Variants in BABAM2 observed in about 807,000 individuals in gnomAD.
BABAM2 encodes BRISC and BRCA1-A complex member 2.
Under a neutral mutation model 54.7 loss-of-function variants are expected in BABAM2, and 31 were observed. That is an observed-to-expected ratio of 0.57 (90% CI 0.43 to 0.77). The LOEUF is 0.77. BABAM2 is among the 30% of genes least tolerant of loss of function. BABAM2 has a pLI of 0.00. For missense variants in BABAM2, 364 were observed against 455.8 expected (o/e 0.80, Z 1.83); for synonymous variants, 167 against 162.9 (o/e 1.03, Z -0.19).
At chr2:28,208,686 C>T (rs1444653198) in intron 7 of BABAM2, among the ~76,000 whole-genome samples, 1 of 148,428 alleles carries the variant, frequency 6.7e-6, no homozygotes, top group Non-Finnish European at 1.5e-5. Flanking sequence ...CATGAGTGCT[C>T]GCCCTTTTCT....
At chr2:28,273,663 G>A (rs1211131494) in intron 10 of BABAM2, among the ~76,000 whole-genome samples, 1 of 152,106 alleles carries the variant, frequency 6.6e-6, no homozygotes, top group Non-Finnish European at 1.5e-5. Flanking sequence ...AGGTTGCAGT[G>A]AGCCGAGATT....
At chr2:28,275,504 C>T (rs530478360) in intron 10 of BABAM2, among the ~76,000 whole-genome samples, 1 of 152,140 alleles carries the variant, frequency 6.6e-6, no homozygotes, top group Non-Finnish European at 1.5e-5. Flanking sequence ...CCAGGAAAGG[C>T]AAGCTAAAGA....
upstream of BABAM2, among the ~76,000 whole-genome samples, chr2:27,888,959 ATTT>A (rs1664627006): frequency 6.6e-6 from 1 of 152,206 alleles, no homozygotes; most frequent in South Asian, 2.1e-4. Flanking sequence ...AAAGGAAAGT[ATTT>A]TTATCTTGGC....
At chr2:28,317,726 C>T (rs1223577417) in intron 11 of BABAM2, among the ~76,000 whole-genome samples, 1 of 152,234 alleles carries the variant, frequency 6.6e-6, no homozygotes, top group Non-Finnish European at 1.5e-5. Flanking sequence ...AGAGGTTTGA[C>T]TAGCTGCTGA....
At chr2:28,153,213 T>C (rs1220564834) in intron 7 of BABAM2, among the ~76,000 whole-genome samples, 5 of 152,346 alleles carry the variant, frequency 3.3e-5, no homozygotes, top group African/African-American at 1.2e-4. Context: ...TACAGAAGCT[T>C]ATTCATAAAT....
intron 6 of BABAM2, among the ~76,000 whole-genome samples, chr2:28,055,080 G>T (rs1222913969): frequency 6.6e-6 from 1 of 152,178 alleles, no homozygotes; most frequent in Non-Finnish European, 1.5e-5. Flanking sequence ...ATACTGTACA[G>T]CCATTAAAAC....
chr2:27,959,097 G>A (rs1052060232), intron 3 of BABAM2, among the ~76,000 whole-genome samples: 3 of 152,156 alleles, frequency 2.0e-5, no homozygotes, highest in African/African-American at 7.2e-5. Flanking sequence ...CCAAATTGAG[G>A]ACTCAGCATG....
rs4666054 is a variant in BABAM2 at position 28,325,862 on chromosome 2, G to C, written c.1089-12588G>C. ...GGATGCTGAGATCTGGTGGAAGAAA[G>C]TGAACTTACAACCAGGCAAATAACA... On this transcript the variant is annotated intron_variant, in intron 11 of 11. Coordinates refer to ENST00000379624, the MANE Select transcript of BABAM2 (RefSeq NM_199191.3). The surrounding 1 kb of genome is among the most constrained non-coding windows in gnomAD (Gnocchi z 4.3). Among the ~76,000 whole-genome samples, 151,858 of 152,362 alleles carry C rather than the reference G, an allele frequency of 1. 75,681 individuals carry two copies. Among genetic ancestry groups the C allele is most frequent in the Middle Eastern group, 1 (294 of 294 alleles).
chr2:28,126,514 G>C (rs1417501650), intron 6 of BABAM2, among the ~76,000 whole-genome samples: 3 of 144,026 alleles, frequency 2.1e-5, no homozygotes, highest in Non-Finnish European at 3.1e-5. Flanking sequence ...TGGTGTATAT[G>C]TGCCACATTT....
intron 7 of BABAM2, among the ~76,000 whole-genome samples, chr2:28,195,164 T>C (rs6712705): frequency 0.42 from 63,535 of 152,028 alleles, 14,238 homozygotes; most frequent in East Asian, 0.67. Context: ...AGTGCTACAT[T>C]GGCATTGGGG....
intron 5 of BABAM2, among the ~76,000 whole-genome samples, chr2:28,026,745 ATATATAAATATATATC>A (rs1413656477): frequency 1.2e-4 from 7 of 59,370 alleles, no homozygotes; most frequent in Admixed American, 3.8e-4. Context: ...ATATATATTT[ATATATAAATATATATC>A]TATATAAATA....
chr2:27,961,878 C>T (rs2148430464), intron 3 of BABAM2, among the ~76,000 whole-genome samples: 1 of 151,598 alleles, frequency 6.6e-6, no homozygotes, highest in South Asian at 2.1e-4. Flanking sequence ...CAGGCATGCA[C>T]CCCCGCATCT....
At chr2:28,297,591 T>C (rs1346564053) in intron 10 of BABAM2, among the ~76,000 whole-genome samples, 1 of 152,196 alleles carries the variant, frequency 6.6e-6, no homozygotes, top group African/African-American at 2.4e-5. Context: ...ACAGCAAGGA[T>C]TGGAATTAGC....
At chr2:28,046,707 A>G (rs1677604875) in intron 6 of BABAM2, among the ~76,000 whole-genome samples, 1 of 152,120 alleles carries the variant, frequency 6.6e-6, no homozygotes, top group South Asian at 2.1e-4. Flanking sequence ...TAATTTTTAT[A>G]ATGGTTATAA....
At position 28,020,857 on chromosome 2, in the gene BABAM2, C is replaced by G. The variant is rs563467563; in HGVS notation, c.301-4369C>G. ...GTATTTCTGTCTATAAAGTCCCCCCCGTTATTTTTAGTTATTTGCAGATTA... is the reference window on the plus strand; with the variant it reads ...GTATTTCTGTCTATAAAGTCCCCCCGGTTATTTTTAGTTATTTGCAGATTA... On this transcript the variant is annotated intron_variant, in intron 4 of 11. Coordinates refer to ENST00000379624, the MANE Select transcript of BABAM2 (RefSeq NM_199191.3). 5.9e-5 allele frequency among the ~76,000 whole-genome samples: 9 copies of G among 151,754 alleles called. No homozygotes were observed. In the South Asian group the frequency reaches 1.7e-3, roughly 28 times the overall value.
intron 6 of BABAM2, among the ~76,000 whole-genome samples, chr2:28,117,976 G>A (rs777803684): frequency 6.6e-6 from 1 of 152,182 alleles, no homozygotes; most frequent in Non-Finnish European, 1.5e-5. Flanking sequence ...TTAAGGATGT[G>A]GTAAATGGTA....
intron 7 of BABAM2, among the ~76,000 whole-genome samples, chr2:28,152,710 C>T (rs867641679): frequency 9.9e-5 from 15 of 152,192 alleles, no homozygotes; most frequent in African/African-American, 2.2e-4. Context: ...ATACCAAAGC[C>T]AATGTTGTAG....
chr2:28,186,909 C>T (rs1401543063), intron 7 of BABAM2, among the ~76,000 whole-genome samples: 3 of 151,772 alleles, frequency 2.0e-5, no homozygotes, highest in Non-Finnish European at 4.4e-5. Flanking sequence ...AGGTTCACGC[C>T]ATTCTCCTAC....
At chr2:28,076,683 T>G (rs948611749) in intron 6 of BABAM2, among the ~76,000 whole-genome samples, 1 of 151,956 alleles carries the variant, frequency 6.6e-6, no homozygotes, top group African/African-American at 2.4e-5. Flanking sequence ...TTGTTTTGTA[T>G]TTTTAGTAGA....
Sources: allele counts gnomAD v4.1 joint callset (sites outside exome capture counted in the v4.1 genomes callset), GRCh38; gene constraint gnomAD v4.1.1; non-coding constraint Gnocchi (gnomAD v3.1); transcripts MANE v1.5; gene names NCBI Gene and HGNC (gene_info 2026-07-23, HGNC 2026-07-21).